NIN: variants seen among roughly 807,000 people sequenced by gnomAD.
NIN encodes ninein.
NIN carries 137 observed loss-of-function variants against 257.6 expected under a neutral mutation model. The observed-to-expected ratio is 0.53, with a 90% CI of 0.46 to 0.61. NIN has a LOEUF of 0.61. Ranked by LOEUF, NIN falls within the 20% of genes least tolerant of loss-of-function variation. The pLI is 0.00. For synonymous variants in NIN, 918 were observed against 919.8 expected (o/e 1.00, Z 0.04); for missense variants, 2,439 against 2,501.2 (o/e 0.98, Z 0.53).
At chr14:50,827,394 C>A (rs917969078) in intron 2 of NIN, among the ~76,000 whole-genome samples, 5 of 152,124 alleles carry the variant, frequency 3.3e-5, no homozygotes, top group African/African-American at 1.2e-4. Context: ...TGAATGAAAT[C>A]ATGATACAAA....
At chr14:50,778,106 G>A (rs2042990654) in intron 6 of NIN, among the ~76,000 whole-genome samples, 1 of 152,328 alleles carries the variant, frequency 6.6e-6, no homozygotes, top group Middle Eastern at 3.4e-3. Context: ...GAGGATCAAC[G>A]TGTTCTGATG....
At chr14:50,761,477 A>G (rs945507340) in intron 16 of NIN, among the ~76,000 whole-genome samples, 6 of 152,204 alleles carry the variant, frequency 3.9e-5, no homozygotes, top group African/African-American at 1.4e-4. Context: ...CTTGTACCTA[A>G]TTTAGTAGGC....
chr14:50,777,003 C>T lies in NIN; in HGVS notation c.612G>A (p.Arg204=), dbSNP rs150057118. The T allele has an allele frequency of 3.8e-4, 615 of 1,614,224 alleles. 1 individual carries two copies. Among genetic ancestry groups the T allele is most frequent in the African/African-American group, 3.1e-3 (229 of 75,064 alleles). Reference sequence around the variant, plus strand: ...GCTCACAGATGGAGACCAGCTTCTTCCGGTTCAGGTGACCATCACGGGTGA... The same window carrying T: ...GCTCACAGATGGAGACCAGCTTCTTTCGGTTCAGGTGACCATCACGGGTGA... The part of the protein sequence containing the change: ...LGITRDGHLN[R]KKLVSICEQY... The change falls in exon 7 of 31, where the codon CGG becomes CGA. Residue 204 remains arginine (R), a synonymous_variant. Coordinates refer to ENST00000530997, the MANE Select transcript of NIN (RefSeq NM_020921.4).
At chr14:50,831,439 C>G (rs559863655), upstream of NIN, among the ~76,000 whole-genome samples, 10 of 152,334 alleles carry the variant, frequency 6.6e-5, no homozygotes, top group African/African-American at 1.7e-4. Flanking sequence ...CCTTTCTTTC[C>G]CAACACGCCT....
At chr14:50,724,123 T>C (rs2040328021) in intron 30 of NIN, 1 of 190,990 alleles carries the variant, frequency 5.2e-6, no homozygotes, top group South Asian at 1.8e-4. Context: ...TCATGTATTA[T>C]AACAGAGATA....
Position 50,730,131 on chromosome 14 carries a change from T to C in NIN, c.5878-408A>G, listed in dbSNP as rs528400313. Among the ~76,000 whole-genome samples, 196 of 152,384 alleles carry C rather than the reference T, an allele frequency of 1.3e-3. 1 individual carries two copies. The highest frequency in any genetic ancestry group is 1.2e-3 in the South Asian group (6 of 4,830). On this transcript the variant is annotated intron_variant, in intron 28 of 30. Transcript: ENST00000530997. ...TTTACCATTCATAAAGATTGTTAAA[T>C]GTTCAATGACTATATTTTTTCCAAC...
chr14:50,807,848 ATT>A (rs1389110947), intron 3 of NIN, among the ~76,000 whole-genome samples: 1 of 152,222 alleles, frequency 6.6e-6, no homozygotes, highest in Non-Finnish European at 1.5e-5. Flanking sequence ...GTCATAAAAG[ATT>A]TATATGTCAT....
intron 27 of NIN, 85 bp from the exon 28 acceptor site, chr14:50,735,702 GT>G: frequency 6.9e-7 from 1 of 1,459,218 alleles, no homozygotes; most frequent in Non-Finnish European, 9.0e-7. Context: ...ATCTGTGCTT[GT>G]CAGAAATCTC....
intron 2 of NIN, among the ~76,000 whole-genome samples, chr14:50,827,934 T>C (rs994159283): frequency 6.6e-6 from 1 of 151,254 alleles, no homozygotes; most frequent in Non-Finnish European, 1.5e-5. Flanking sequence ...AACTGGTAGA[T>C]TACCCAATCA....
At chr14:50,735,434 C>T in intron 28 of NIN, 82 bp downstream of exon 28, 1 of 1,501,384 alleles carries the variant, frequency 6.7e-7, no homozygotes, top group Non-Finnish European at 8.9e-7. Context: ...AATTCAATGC[C>T]ATGTCTAGTC....
intron 8 of NIN, 50 bp downstream of exon 8, chr14:50,772,899 A>G: frequency 6.6e-7 from 1 of 1,508,248 alleles, no homozygotes; most frequent in Non-Finnish European, 9.1e-7. Flanking sequence ...CATTACTTAA[A>G]TGGGTTCTAA....
chr14:50,772,102 G>T (rs1277955659), intron 9 of NIN, 199 bp downstream of exon 9: 4 of 488,474 alleles, frequency 8.2e-6, no homozygotes, highest in East Asian at 3.0e-5. Context: ...ATAATCTGGG[G>T]GTTAAAAACA....
chr14:50,731,026 A>C (rs1372049383), intron 28 of NIN: 1 of 1,005,994 alleles, frequency 9.9e-7, no homozygotes, highest in Non-Finnish European at 1.4e-6. Flanking sequence ...AGAAGAGAAA[A>C]TTACAGGAGT....
At chr14:50,752,845 A>AAT (rs749678299) in intron 20 of NIN, 112 bp from the exon 21 acceptor site, 23 of 571,238 alleles carry the variant, frequency 4.0e-5, no homozygotes, top group South Asian at 1.3e-4. Context: ...TAAAGTTTAA[A>AAT]ATATATATAT....
chr14:50,754,695 T>C, intron 19 of NIN, 47 bp downstream of exon 19: 1 of 1,582,044 alleles, frequency 6.3e-7, no homozygotes, highest in Non-Finnish European at 8.6e-7. Context: ...TAAAAGAATT[T>C]TAGTCTTTGC....
intron 3 of NIN, among the ~76,000 whole-genome samples, chr14:50,820,185 C>T (rs1330435354): frequency 6.6e-6 from 1 of 152,200 alleles, no homozygotes; most frequent in African/African-American, 2.4e-5. Flanking sequence ...AAGTAAATAT[C>T]ACACTATAGA....
intron 4 of NIN, among the ~76,000 whole-genome samples, chr14:50,799,017 C>A (rs1018291562): frequency 6.6e-6 from 1 of 152,200 alleles, no homozygotes; most frequent in African/African-American, 2.4e-5. Flanking sequence ...ACCTCGTGAC[C>A]CATCTGCCTC....
At chr14:50,829,173 AG>A (rs1393286827) in intron 2 of NIN, among the ~76,000 whole-genome samples, 1 of 152,172 alleles carries the variant, frequency 6.6e-6, no homozygotes, top group Admixed American at 6.5e-5. Context: ...CACCTCCCAA[AG>A]GACACTGACA....
chr14:50,829,999 G>A (rs545740400), intron 2 of NIN, among the ~76,000 whole-genome samples: 1 of 152,244 alleles, frequency 6.6e-6, no homozygotes, highest in South Asian at 2.1e-4. Context: ...ATTATACTGG[G>A]AAACTGTTTA....
Sources: allele counts gnomAD v4.1 joint callset (sites outside exome capture counted in the v4.1 genomes callset), GRCh38; gene constraint gnomAD v4.1.1; transcripts MANE v1.5; gene names NCBI Gene and HGNC (gene_info 2026-07-23, HGNC 2026-07-21).